CACNA1E: variants seen among roughly 807,000 people sequenced by gnomAD.
The protein encoded by CACNA1E is calcium voltage-gated channel subunit alpha1 E.
Under a neutral mutation model 259.2 loss-of-function variants are expected in CACNA1E, and 40 were observed. The ratio of observed to expected loss-of-function variants is 0.15; its 90% confidence interval spans 0.12 to 0.20. The LOEUF (loss-of-function observed/expected upper bound fraction) is 0.20, where lower values mean the gene tolerates loss of function less well. Among genes scored for constraint, CACNA1E ranks in the 10% least tolerant of loss-of-function variants. The probability of loss-of-function intolerance (pLI) is 1.00; values close to 1 mark genes in which losing one functional copy is unlikely to be tolerated. For missense variants in CACNA1E, 1,874 were observed against 3,040.1 expected (o/e 0.62, Z 9.02); for synonymous variants, 1,104 against 1,138.5 (o/e 0.97, Z 0.61).
At chr1:181,472,390 C>G (rs533228144) in intron 2 of CACNA1E, among the ~76,000 whole-genome samples, 1 of 152,132 alleles carries the variant, frequency 6.6e-6, no homozygotes, top group African/African-American at 2.4e-5. Flanking sequence ...GCTCTTGTTA[C>G]AAAAAAAGTA....
exon 2 of CACNA1E, chr1:181,413,312 G>C (rs1004083900): frequency 6.6e-6 from 1 of 152,396 alleles, no homozygotes; most frequent in African/African-American, 2.4e-5. Flanking sequence ...CGCTCTGCTC[G>C]AGGCCGACGC....
intron 26 of CACNA1E, among the ~76,000 whole-genome samples, chr1:181,751,343 A>G (rs1406363064): frequency 1.3e-5 from 2 of 152,228 alleles, no homozygotes. Flanking sequence ...CAATAGCTGT[A>G]GGGCCAGGAT....
At chr1:181,473,909 T>C (rs1448857155) in intron 2 of CACNA1E, among the ~76,000 whole-genome samples, 1 of 152,210 alleles carries the variant, frequency 6.6e-6, no homozygotes, top group Non-Finnish European at 1.5e-5. Context: ...TCCTGTAAAA[T>C]GGGGTTTATA....
At chr1:181,531,734 A>G (rs1667797344) in intron 3 of CACNA1E, among the ~76,000 whole-genome samples, 2 of 152,226 alleles carry the variant, frequency 1.3e-5, no homozygotes, top group South Asian at 2.1e-4. Flanking sequence ...TTCTAAGCTC[A>G]TAGTCCAGCT....
chr1:181,526,573 A>G (rs1667375186), intron 3 of CACNA1E, among the ~76,000 whole-genome samples: 1 of 152,206 alleles, frequency 6.6e-6, no homozygotes. Context: ...TAAGAGAACA[A>G]TAGATTATTG....
chr1:181,737,686 G>T, intron 23 of CACNA1E, 32 bp downstream of exon 23: 1 of 1,605,144 alleles, frequency 6.2e-7, no homozygotes, highest in African/African-American at 1.3e-5. Context: ...GCCAGCCTCT[G>T]TAGTGCTCTG....
intron 2 of CACNA1E, among the ~76,000 whole-genome samples, chr1:181,418,785 A>G (rs905028905): frequency 6.6e-6 from 1 of 151,872 alleles, no homozygotes; most frequent in African/African-American, 2.4e-5. Flanking sequence ...TCAGATCACC[A>G]TTCACCACCT....
chr1:181,427,457 T>C, intron 2 of CACNA1E, among the ~76,000 whole-genome samples: 1 of 138,846 alleles, frequency 7.2e-6, no homozygotes, highest in African/African-American at 2.7e-5. Context: ...TTCCTCATCC[T>C]AACCCCTCCC....
intron 1 of CACNA1E, among the ~76,000 whole-genome samples, chr1:181,393,618 A>G (rs1656449507): frequency 6.6e-6 from 1 of 152,140 alleles, no homozygotes; most frequent in Non-Finnish European, 1.5e-5. Context: ...CACCAGGTCC[A>G]GCTAATTTTT....
chr1:181,609,527 A>C (rs76851673), intron 6 of CACNA1E, among the ~76,000 whole-genome samples: 10 of 152,308 alleles, frequency 6.6e-5, no homozygotes, highest in African/African-American at 2.4e-4. Flanking sequence ...GAGTAGAAAG[A>C]GAAGGAAAAG....
chr1:181,588,021 A>G (rs1274989400), intron 6 of CACNA1E, among the ~76,000 whole-genome samples: 6 of 152,220 alleles, frequency 3.9e-5, no homozygotes, highest in African/African-American at 1.4e-4. Flanking sequence ...TCTGATTTCT[A>G]ATTTGATGCT....
intron 6 of CACNA1E, among the ~76,000 whole-genome samples, chr1:181,626,421 G>C (rs1656207295): frequency 6.6e-6 from 1 of 152,214 alleles, no homozygotes; most frequent in African/African-American, 2.4e-5. Flanking sequence ...AGCCAGGTTA[G>C]AGAATTCTGC....
intron 7 of CACNA1E, among the ~76,000 whole-genome samples, chr1:181,697,989 A>T (rs1251323920): frequency 6.6e-6 from 1 of 152,202 alleles, no homozygotes; most frequent in Non-Finnish European, 1.5e-5. Flanking sequence ...ACCCTCGTGC[A>T]TGTCTCTGAT....
rs547306585 is a variant in CACNA1E at position 181,753,843 on chromosome 1, T to A, written c.3829-1394T>A. Reference sequence around the variant, plus strand: ...TTTGTGAAACAGAAGAAAAGTCACTTCTGAGAGGCCCCGATGTGACTGAAA... The same window carrying A: ...TTTGTGAAACAGAAGAAAAGTCACTACTGAGAGGCCCCGATGTGACTGAAA... On this transcript the variant is annotated intron_variant, in intron 27 of 47. Transcript: ENST00000367573. Among the ~76,000 whole-genome samples, 17 of 152,314 alleles carry A rather than the reference T, an allele frequency of 1.1e-4. No homozygotes were observed. The South Asian group carries it at 3.5e-3, about 32-fold the overall frequency.
intron 7 of CACNA1E, among the ~76,000 whole-genome samples, chr1:181,684,327 T>C (rs1317245595): frequency 6.6e-6 from 1 of 152,132 alleles, no homozygotes; most frequent in Non-Finnish European, 1.5e-5. Flanking sequence ...TTTAAAGGGC[T>C]TGTTTGGTTT....
chr1:181,642,496 T>A lies in CACNA1E; in HGVS notation c.952-8842T>A, dbSNP rs993001987. Reference sequence around the variant, plus strand: ...AATAGGATGGGCACTGCACAAAACGTTCACAATAGAGGATATATGAAGCCT... The same window carrying A: ...AATAGGATGGGCACTGCACAAAACGATCACAATAGAGGATATATGAAGCCT... On this transcript the variant is annotated intron_variant, in intron 6 of 47. Coordinates refer to ENST00000367573, the MANE Select transcript of CACNA1E (RefSeq NM_001205293.3). Among the ~76,000 whole-genome samples the A allele has an allele frequency of 2.0e-5, 3 of 152,196 alleles. No individual in the cohort carries two copies. In the East Asian group the frequency reaches 5.8e-4, roughly 29 times the overall value.
At chr1:181,607,491 C>T (rs899785051) in intron 6 of CACNA1E, among the ~76,000 whole-genome samples, 6 of 152,248 alleles carry the variant, frequency 3.9e-5, no homozygotes, top group Admixed American at 6.5e-5. Flanking sequence ...TGTATCCTTG[C>T]GATCCCAGCG....
At chr1:181,578,414 A>G (rs1651189042) in intron 4 of CACNA1E, among the ~76,000 whole-genome samples, 1 of 152,054 alleles carries the variant, frequency 6.6e-6, no homozygotes, top group African/African-American at 2.4e-5. Context: ...AAAGTAAAAA[A>G]AATGTAGCTG....
intron 7 of CACNA1E, among the ~76,000 whole-genome samples, chr1:181,702,069 C>A (rs954074970): frequency 2.6e-5 from 4 of 152,084 alleles, no homozygotes; most frequent in Admixed American, 2.0e-4. Flanking sequence ...GAATTTGGTG[C>A]TATTGAGCTT....
Sources: gnomAD v4.1 joint callset for allele counts (sites outside exome capture counted in the v4.1 genomes callset) on GRCh38, gnomAD v4.1.1 for gene constraint, MANE v1.5 for transcripts, NCBI Gene and HGNC (gene_info 2026-07-23, HGNC 2026-07-21) for gene names.